PLD5: variants seen among roughly 807,000 people sequenced by gnomAD.
The protein encoded by PLD5 is inactive phospholipase D5.
PLD5 carries 36 observed loss-of-function variants against 61.1 expected under a neutral mutation model. The observed-to-expected ratio is 0.59, with a 90% confidence interval of 0.45 to 0.78. The LOEUF is 0.78. Ranked by LOEUF, PLD5 falls within the 30% of genes least tolerant of loss-of-function variation. The pLI is 0.00. For synonymous variants in PLD5, 243 were observed against 242.8 expected (o/e 1.00, Z -0.01); for missense variants, 515 against 644.4 (o/e 0.80, Z 2.17).
intron 2 of PLD5, among the ~76,000 whole-genome samples, chr1:242,314,191 C>T (rs562031322): frequency 3.4e-4 from 52 of 152,232 alleles, no homozygotes; most frequent in African/African-American, 1.1e-3. Flanking sequence ...AGTTTTCAGA[C>T]GTGATGATGG....
chr1:242,295,106 G>GT (rs1558438516), intron 2 of PLD5, among the ~76,000 whole-genome samples: 57 of 152,076 alleles, frequency 3.7e-4, no homozygotes, highest in East Asian at 2.7e-3. Flanking sequence ...CAAGTGATGG[G>GT]GTTTTTTTAC....
chr1:242,336,285 G>T (rs1659505103), intron 2 of PLD5, among the ~76,000 whole-genome samples: 1 of 152,034 alleles, frequency 6.6e-6, no homozygotes, highest in Admixed American at 6.6e-5. Context: ...CTTTCACCTA[G>T]CAATTCCATT....
intron 5 of PLD5, among the ~76,000 whole-genome samples, chr1:242,161,848 A>G (rs1374350310): frequency 6.6e-6 from 1 of 152,170 alleles, no homozygotes; most frequent in Admixed American, 6.5e-5. Context: ...ACACTGAGGT[A>G]CAACCACATA....
At chr1:242,383,230 A>T (rs1296070535) in intron 1 of PLD5, among the ~76,000 whole-genome samples, 1 of 152,088 alleles carries the variant, frequency 6.6e-6, no homozygotes, top group Non-Finnish European at 1.5e-5. Flanking sequence ...AATTATTTTT[A>T]ACTGACACAA....
chr1:242,335,026 A>G (rs1659419357), intron 2 of PLD5, among the ~76,000 whole-genome samples: 1 of 152,112 alleles, frequency 6.6e-6, no homozygotes, highest in South Asian at 2.1e-4. Context: ...TTAGTGTCCA[A>G]GTGTTTGGGT....
At chr1:242,103,318 C>T (rs1249621419) in intron 8 of PLD5, among the ~76,000 whole-genome samples, 1 of 152,222 alleles carries the variant, frequency 6.6e-6, no homozygotes, top group African/African-American at 2.4e-5. Flanking sequence ...GTCCTGGGTT[C>T]TGCCCTGTCC....
chr1:242,493,886 G>A (rs1668259928), intron 1 of PLD5, among the ~76,000 whole-genome samples: 1 of 152,198 alleles, frequency 6.6e-6, no homozygotes, highest in South Asian at 2.1e-4. Context: ...ATTCCTGACT[G>A]CAAAAATCCC....
intron 4 of PLD5, among the ~76,000 whole-genome samples, chr1:242,257,996 G>A (rs527457863): frequency 3.2e-4 from 49 of 152,280 alleles, no homozygotes; most frequent in Admixed American, 2.4e-3. Flanking sequence ...CTTGGGTTGC[G>A]ATTCATCACG....
At chr1:242,254,946 G>T (rs548421756) in intron 4 of PLD5, among the ~76,000 whole-genome samples, 1 of 152,198 alleles carries the variant, frequency 6.6e-6, no homozygotes, top group African/African-American at 2.4e-5. Flanking sequence ...ACACTTTGAC[G>T]GCAGCGTATA....
chr1:242,177,431 G>C (rs144701191), intron 5 of PLD5, among the ~76,000 whole-genome samples: 1 of 152,136 alleles, frequency 6.6e-6, no homozygotes, highest in African/African-American at 2.4e-5. Flanking sequence ...AGGGGGCTAT[G>C]GGAGGGATAG....
intron 1 of PLD5, among the ~76,000 whole-genome samples, chr1:242,433,882 T>C (rs1382920903): frequency 4.6e-5 from 7 of 152,130 alleles, no homozygotes; most frequent in Non-Finnish European, 5.9e-5. Flanking sequence ...TTGTCACTAC[T>C]GAGGAGCAGG....
intron 2 of PLD5, among the ~76,000 whole-genome samples, chr1:242,307,150 G>A (rs1425684213): frequency 1.3e-5 from 2 of 152,202 alleles, no homozygotes; most frequent in Non-Finnish European, 1.5e-5. Context: ...TATTTTAATA[G>A]CATGCAGTGC....
rs189540146 is a variant in PLD5 at position 242,470,890 on chromosome 1, G to A, written c.189+53198C>T. On this transcript the variant is annotated intron_variant, in intron 1 of 9. Transcript: ENST00000536534. ...GCTCCGCTTGCTTGTATCCTGCAGC[G>A]CTAATGCGGGACTCAGGCGCTCCCC... is the stretch of plus-strand genomic sequence containing the variant. 1.6e-4 allele frequency among the ~76,000 whole-genome samples: 25 copies of A among 152,324 alleles called. No homozygotes were observed. In the East Asian group the frequency reaches 4.4e-3, roughly 27 times the overall value.
rs373743146 is a variant in PLD5, at chr1:242,357,110, C to A, written c.190-8868G>T. ...CTTTTAGTAATTCCTGTAAGAGAGA[C>A]CTAATAATGATGAATTTTCTTAGCT... On this transcript the variant is annotated intron_variant, in intron 1 of 9. Coordinates refer to ENST00000536534, the MANE Select transcript of PLD5 (RefSeq NM_001372062.1). 1.2e-3 allele frequency among the ~76,000 whole-genome samples: 181 copies of A among 152,016 alleles called. 1 individual carries two copies. The highest frequency in any genetic ancestry group is 4.2e-3 in the African/African-American group (172 of 41,416).
At chr1:242,505,691 T>C (rs565031329) in intron 1 of PLD5, among the ~76,000 whole-genome samples, 34 of 152,314 alleles carry the variant, frequency 2.2e-4, no homozygotes, top group African/African-American at 6.5e-4. Context: ...AATAGCATCA[T>C]TGGTCCTCAG....
intron 5 of PLD5, among the ~76,000 whole-genome samples, chr1:242,216,934 C>G (rs1044718652): frequency 2.0e-5 from 3 of 152,200 alleles, no homozygotes; most frequent in Non-Finnish European, 4.4e-5. Context: ...TTGTGGGACC[C>G]TTAAGAATTA....
intron 2 of PLD5, among the ~76,000 whole-genome samples, chr1:242,293,840 G>A (rs1675505128): frequency 1.3e-5 from 2 of 152,124 alleles, no homozygotes; most frequent in African/African-American, 4.8e-5. Context: ...CTCCTTCTGG[G>A]ACGCATGGCT....
intron 4 of PLD5, among the ~76,000 whole-genome samples, chr1:242,249,004 C>T (rs565348970): frequency 1.2e-4 from 19 of 152,166 alleles, no homozygotes; most frequent in South Asian, 2.1e-4. Flanking sequence ...AAAAATTAGC[C>T]GGGTGTGGTG....
At chr1:242,276,679 C>G (rs564771159) in intron 3 of PLD5, among the ~76,000 whole-genome samples, 1 of 151,568 alleles carries the variant, frequency 6.6e-6, no homozygotes, top group Admixed American at 6.6e-5. Flanking sequence ...ATGGATCAAT[C>G]AGAGCTTTAG....
Sources: gnomAD v4.1 joint callset for allele counts (sites outside exome capture counted in the v4.1 genomes callset) on GRCh38, gnomAD v4.1.1 for gene constraint, MANE v1.5 for transcripts, NCBI Gene and HGNC (gene_info 2026-07-23, HGNC 2026-07-21) for gene names.